The following PIK3R6 variants were observed in gnomAD, a reference collection of about 807,000 sequenced individuals.
PIK3R6 encodes phosphoinositide-3-kinase regulatory subunit 6.
A neutral mutation model predicts 84.9 loss-of-function variants in PIK3R6; 91 were observed. That is an observed-to-expected ratio of 1.07 (90% CI 0.90 to 1.28). PIK3R6 has a LOEUF of 1.28. Among genes scored for constraint, PIK3R6 ranks in the 50% most tolerant of loss-of-function variants. The pLI is 0.00. For synonymous variants in PIK3R6, 416 were observed against 411.4 expected, an observed-to-expected ratio of 1.01 and a Z score of -0.13; for missense variants, 996 against 985.1, an observed-to-expected ratio of 1.01 and a Z score of -0.15.
chr17:8,809,810 G>C (rs1349981552), intron 18 of PIK3R6, among the ~76,000 whole-genome samples: 2 of 151,934 alleles, frequency 1.3e-5, no homozygotes, highest in Non-Finnish European at 2.9e-5. Context: ...ACACTCTAAG[G>C]GGTGGAAAAA....
At chr17:8,825,256 C>G (rs546954911) in intron 13 of PIK3R6, among the ~76,000 whole-genome samples, 51 of 152,238 alleles carry the variant, frequency 3.4e-4, no homozygotes, top group Admixed American at 5.9e-4. Flanking sequence ...GCGAAAGATG[C>G]TAATTCTCCC....
At chr17:8,813,300 C>T (rs938387921) in intron 18 of PIK3R6, among the ~76,000 whole-genome samples, 6 of 151,986 alleles carry the variant, frequency 3.9e-5, no homozygotes, top group African/African-American at 1.5e-4. Context: ...GATGGGTTCA[C>T]AGTGGAATTC....
At chr17:8,838,492 A>G in intron 4 of PIK3R6, 72 bp downstream of exon 4, 1 of 1,392,914 alleles carries the variant, frequency 7.2e-7, no homozygotes, top group Non-Finnish European at 9.9e-7. Context: ...CGCTGCCAGG[A>G]CTGAGCCCCT....
rs1310506155 is a variant in PIK3R6 at position 8,844,784 on chromosome 17, T to C, written c.13+4998A>G. On this transcript the variant is annotated intron_variant, in intron 2 of 19. Transcript: ENST00000619866. This position sits in a 1 kb window ranked among gnomAD's most constrained non-coding sequence, Gnocchi z 4.5. ...GTACTACTCATATGAGTAGTACTAG[T>C]ACCCACACTAACTAGTTTTTCAACT... Among the ~76,000 whole-genome samples the C allele has an allele frequency of 1.3e-5, 2 of 152,066 alleles. No homozygotes were observed. The highest frequency in any genetic ancestry group is 2.9e-5 in the Non-Finnish European group (2 of 67,986).
intron 18 of PIK3R6, among the ~76,000 whole-genome samples, chr17:8,816,178 G>A (rs1325467669): frequency 6.6e-6 from 1 of 152,074 alleles, no homozygotes; most frequent in African/African-American, 2.4e-5. Flanking sequence ...ACATAAATCA[G>A]ATTATAAAAT....
rs554041697 is a variant in PIK3R6 at position 8,811,721 on chromosome 17, A to G, written c.1995+7362T>C. ...AACAAGTTCCTCATTTCCATCTGAG[A>G]CCACCTTAGCCTGGACTTTATTGTC... On this transcript the variant is annotated intron_variant, in intron 18 of 19. Transcript: ENST00000619866. Among the ~76,000 whole-genome samples the G allele has an allele frequency of 7.5e-4, 111 of 148,322 alleles. 15 individuals are homozygous for G. The highest frequency in any genetic ancestry group is 2.7e-3 in the African/African-American group (107 of 39,812).
chr17:8,803,099 C>T lies in PIK3R6; in HGVS notation c.*174G>A. 1.4e-6 allele frequency: 1 copy of T among 723,686 alleles called. No homozygotes were observed. 44.8% of individuals were successfully genotyped at this position (723,686 alleles called of 1,614,324 possible). A position where few individuals can be genotyped will look rare whatever the true frequency, so the allele number is the denominator to read the frequency against. On this transcript the variant is annotated 3_prime_UTR_variant, in exon 20 of 20. Transcript: ENST00000619866. The surrounding 1 kb of genome is among the most constrained non-coding windows in gnomAD (Gnocchi z 5.0). ...GGCCATCCGTAGACCTCCATGTGGG[C>T]CCTTCCTCATCACAGTCCCCAGGGT...
intron 18 of PIK3R6, among the ~76,000 whole-genome samples, chr17:8,808,643 C>A (rs905339044): frequency 6.6e-6 from 1 of 152,134 alleles, no homozygotes; most frequent in African/African-American, 2.4e-5. Context: ...TAGTTCAATG[C>A]AGGAGTCAAA....
At chr17:8,865,789 G>C (rs1054657579) in intron 1 of PIK3R6, among the ~76,000 whole-genome samples, 9 of 148,822 alleles carry the variant, frequency 6.0e-5, no homozygotes, top group African/African-American at 2.2e-4. Flanking sequence ...GCCCTGGCTG[G>C]CCCCCGTGGA....
chr17:8,862,125 G>GTCAT lies in PIK3R6; in HGVS notation c.-92+5400_-92+5403dup, dbSNP rs2089299852. Among the ~76,000 whole-genome samples, 1 of 152,202 alleles carries GTCAT rather than the reference G, an allele frequency of 6.6e-6. No individual in the cohort carries two copies. Among genetic ancestry groups the GTCAT allele is most frequent in the African/African-American group, 2.4e-5 (1 of 41,448 alleles). ...AGGTTCAGTACTATTGGAGGTCTGA[G>GTCAT]TCATCCCCTGGGGGTCTTGGAGTGT... On this transcript the variant is annotated intron_variant, in intron 1 of 19. Transcript: ENST00000619866. The surrounding 1 kb of genome is among the most constrained non-coding windows in gnomAD (Gnocchi z 4.3).
intron 1 of PIK3R6, among the ~76,000 whole-genome samples, chr17:8,852,436 G>A (rs195095): frequency 0.23 from 35,526 of 152,072 alleles, 5,042 homozygotes; most frequent in Non-Finnish European, 0.32. Context: ...TCATAGAAAT[G>A]AATATTAAAA....
At chr17:8,811,209 G>A (rs1017309345) in intron 18 of PIK3R6, among the ~76,000 whole-genome samples, 1 of 148,596 alleles carries the variant, frequency 6.7e-6, no homozygotes, top group South Asian at 2.3e-4. Flanking sequence ...GCTCTACATT[G>A]GTCCCTTTCA....
chr17:8,837,665 GA>G (rs2151272144), intron 5 of PIK3R6, 137 bp downstream of exon 5: 1 of 704,894 alleles, frequency 1.4e-6, no homozygotes, highest in African/African-American at 1.8e-5. Context: ...CTAGTGCTCA[GA>G]AGCCAGTTTA....
intron 18 of PIK3R6, 109 bp downstream of exon 18, chr17:8,818,974 A>C (rs1391783379): frequency 8.0e-6 from 6 of 748,104 alleles, no homozygotes; most frequent in Non-Finnish European, 1.0e-5. Flanking sequence ...AAGGCTCAGA[A>C]AGGCTGGGAA....
chr17:8,821,725 G>A, intron 17 of PIK3R6, 121 bp downstream of exon 17: 1 of 1,090,944 alleles, frequency 9.2e-7, no homozygotes, highest in Non-Finnish European at 1.3e-6. Context: ...ACCAAGTCCT[G>A]GTCCTGGCTC....
At chr17:8,828,539 AC>A in intron 11 of PIK3R6, 27 bp downstream of exon 11, 2 of 1,604,384 alleles carry the variant, frequency 1.2e-6, no homozygotes, top group Non-Finnish European at 8.5e-7. Context: ...ACCAGCGCCC[AC>A]CCCCAGCCCC....
chr17:8,823,706 C>T (rs930519143), intron 13 of PIK3R6, among the ~76,000 whole-genome samples: 6 of 152,128 alleles, frequency 3.9e-5, no homozygotes, highest in East Asian at 3.8e-4. Context: ...CTAGGGAATC[C>T]GACTGATTTC....
At chr17:8,833,180 C>T in intron 8 of PIK3R6, 135 bp from the exon 9 acceptor site, 3 of 1,278,932 alleles carry the variant, frequency 2.3e-6, no homozygotes, top group Admixed American at 2.9e-5. Context: ...CAGGAGCTTC[C>T]CCCGAAGGCT....
At chr17:8,848,713 C>T (rs779327379) in intron 2 of PIK3R6, among the ~76,000 whole-genome samples, 11 of 152,154 alleles carry the variant, frequency 7.2e-5, no homozygotes, top group African/African-American at 1.9e-4. Context: ...TTCCCCATTC[C>T]GAGCCTCCCA....
Sources: allele counts gnomAD v4.1 joint callset (sites outside exome capture counted in the v4.1 genomes callset), GRCh38; gene constraint gnomAD v4.1.1; non-coding constraint Gnocchi (gnomAD v3.1); transcripts MANE v1.5; gene names NCBI Gene and HGNC (gene_info 2026-07-23, HGNC 2026-07-21).